The following RAF1 variants were observed in gnomAD, a reference collection of about 807,000 sequenced individuals.
RAF1 encodes RAF proto-oncogene serine/threonine-protein kinase.
Under a neutral mutation model 81.1 loss-of-function variants are expected in RAF1, and 27 were observed. The ratio of observed to expected loss-of-function variants is 0.33; its 90% CI spans 0.25 to 0.46. RAF1 has a LOEUF of 0.46. Among genes scored for constraint, RAF1 ranks in the 20% least tolerant of loss-of-function variants. The probability of loss-of-function intolerance (pLI) is 1.00; values close to 1 mark genes in which losing one functional copy is unlikely to be tolerated. For missense variants in RAF1, 598 were observed against 826.0 expected (o/e 0.72, Z 3.38); for synonymous variants, 298 against 294.0 (o/e 1.01, Z -0.14).
intron 6 of RAF1, among the ~76,000 whole-genome samples, chr3:12,605,787 A>G (rs906065175): frequency 6.6e-6 from 1 of 152,224 alleles, no homozygotes; most frequent in Non-Finnish European, 1.5e-5. Flanking sequence ...AGTCTATTTA[A>G]ATACATGGTT....
intron 1 of RAF1, among the ~76,000 whole-genome samples, chr3:12,658,356 A>T (rs2060766419): frequency 6.6e-6 from 1 of 152,220 alleles, no homozygotes; most frequent in Non-Finnish European, 1.5e-5. Context: ...TAATCCCAGC[A>T]CTTTGGGAGG....
Position 12,590,798 on chromosome 3 carries a change from T to C in RAF1, c.1430A>G (p.Asp477Gly). 6.2e-7 allele frequency: 1 copy of C among 1,612,116 alleles called. No homozygotes were observed. The highest frequency in any genetic ancestry group is 8.5e-7 in the Non-Finnish European group (1 of 1,178,936). The change falls in exon 13 of 18, where the codon GAC (aspartate) becomes GGC (glycine). Residue 477 changes from aspartate (D) to glycine (G), a missense_variant and splice_region_variant. Asp to Gly is a moderately conservative substitution (Grantham distance 94, BLOSUM62 -1). Coordinates refer to ENST00000442415, the MANE Select transcript of RAF1 (RefSeq NM_001354689.3). ...GAGAGGCATCAGACCATCTACTCAC[T>C]CCATTCCCTGAGCCGTCTGCCGGGC... is the stretch of plus-strand genomic sequence containing the variant.
intron 12 of RAF1, 125 bp downstream of exon 11, chr3:12,591,583 G>A: frequency 1.2e-6 from 1 of 802,038 alleles, no homozygotes; most frequent in East Asian, 2.6e-5. Context: ...TCCAACCACA[G>A]AAACTCCACA....
At chr3:12,651,305 T>A (rs2060517634) in intron 1 of RAF1, among the ~76,000 whole-genome samples, 1 of 152,218 alleles carries the variant, frequency 6.6e-6, no homozygotes, top group African/African-American at 2.4e-5. Flanking sequence ...ATATAGATTT[T>A]TTGCAATAAT....
At chr3:12,628,250 C>A (rs942813387) in intron 1 of RAF1, among the ~76,000 whole-genome samples, 1 of 152,310 alleles carries the variant, frequency 6.6e-6, no homozygotes, top group African/African-American at 2.4e-5. Context: ...CACTTAGGCC[C>A]AGGAGTTTGA....
chr3:12,585,881 G>T, intron 14 of RAF1, 82 bp from the exon 14 acceptor site: 1 of 959,704 alleles, frequency 1.0e-6, no homozygotes, highest in Non-Finnish European at 1.7e-6. Flanking sequence ...TTATAACACG[G>T]TAATCTCTCC....
At chr3:12,622,160 T>TC (rs2059575357) in intron 1 of RAF1, among the ~76,000 whole-genome samples, 1 of 152,084 alleles carries the variant, frequency 6.6e-6, no homozygotes, top group South Asian at 2.1e-4. Context: ...TACATACAGC[T>TC]CCTCTTTTTT....
chr3:12,656,596 T>C (rs2060701364), intron 1 of RAF1, among the ~76,000 whole-genome samples: 1 of 152,210 alleles, frequency 6.6e-6, no homozygotes, highest in Non-Finnish European at 1.5e-5. Context: ...GACAAGGTTT[T>C]GAGAACTGGA....
intron 1 of RAF1, among the ~76,000 whole-genome samples, chr3:12,655,329 G>A (rs1475671535): frequency 1.3e-5 from 2 of 151,978 alleles, no homozygotes; most frequent in Non-Finnish European, 2.9e-5. Context: ...CAGGTGATCC[G>A]CCCGCCTCGG....
At chr3:12,595,689 C>T (rs1374055507) in intron 11 of RAF1, among the ~76,000 whole-genome samples, 2 of 152,008 alleles carry the variant, frequency 1.3e-5, no homozygotes, top group Non-Finnish European at 2.9e-5. Context: ...TCTGCACCAC[C>T]CACCCTCGCC....
At chr3:12,607,726 G>A (rs2059080052) in intron 5 of RAF1, among the ~76,000 whole-genome samples, 1 of 151,852 alleles carries the variant, frequency 6.6e-6, no homozygotes, top group Non-Finnish European at 1.5e-5. Flanking sequence ...GCCGAGGTGG[G>A]CAGATCATGA....
intron 1 of RAF1, among the ~76,000 whole-genome samples, chr3:12,646,087 T>C (rs893167143): frequency 6.6e-6 from 1 of 152,200 alleles, no homozygotes; most frequent in African/African-American, 2.4e-5. Context: ...TTTTATAACT[T>C]ATCCTTTCTT....
At chr3:12,586,927 C>T (rs1169217300) in intron 14 of RAF1, 1 of 152,476 alleles carries the variant, frequency 6.6e-6, no homozygotes, top group Non-Finnish European at 1.5e-5. Flanking sequence ...CCTCTGCCTC[C>T]CAGGTTCAAG....
intron 11 of RAF1, among the ~76,000 whole-genome samples, chr3:12,598,673 CTG>C (rs2058755331): frequency 7.6e-6 from 1 of 131,324 alleles, no homozygotes; most frequent in African/African-American, 2.9e-5. Flanking sequence ...CTGCAGTGAG[CTG>C]TGATTGTGCC....
At chr3:12,657,300 G>A (rs12497398) in intron 1 of RAF1, among the ~76,000 whole-genome samples, 2,227 of 152,152 alleles carry the variant, frequency 0.015, 33 homozygotes, top group Admixed American at 0.044. Context: ...TTTTTGTGTC[G>A]TCACAAAATA....
intron 1 of RAF1, among the ~76,000 whole-genome samples, chr3:12,647,474 T>C (rs2060389704): frequency 6.6e-6 from 1 of 151,364 alleles, no homozygotes; most frequent in African/African-American, 2.4e-5. Flanking sequence ...ACATGTGTAG[T>C]CCCAGCTATT....
Position 12,585,702 on chromosome 3 carries a change from A to G in RAF1, c.1575T>C (p.Pro525=), listed in dbSNP as rs140668986. 17 of 1,613,732 alleles carry G rather than the reference A, an allele frequency of 1.1e-5. No homozygotes were observed. The African/African-American group carries it at 2.1e-4, about 20-fold the overall frequency. ...TCACCATCCAGAGGACAGAGCCAGT[A>G]GGTTGTTCAACCTGCTGAGAACCAC... is the stretch of plus-strand genomic sequence containing the variant. The change falls in exon 15 of 18, where the codon CCT becomes CCC. Residue 525 remains proline (P), a synonymous_variant. Transcript: ENST00000442415.
chr3:12,605,368 T>C (rs1243171323), intron 6 of RAF1, among the ~76,000 whole-genome samples: 1 of 151,660 alleles, frequency 6.6e-6, no homozygotes, highest in Non-Finnish European at 1.5e-5. Context: ...GCTCACTGCC[T>C]ACCACGTTCA....
At position 12,604,126 on chromosome 3, in the gene RAF1, G is replaced by T. The variant is rs376815207; in HGVS notation, c.834+10C>A. On this transcript the variant is annotated intron_variant, in intron 7 of 17. Coordinates refer to ENST00000442415, the MANE Select transcript of RAF1 (RefSeq NM_001354689.3). The stretch of plus-strand genomic sequence containing the variant: ...TGACTGACATTACCACCCCCAAGGT[G>T]CCCTATTACCTCAATCATCCTGCTG... 1 of 1,613,934 alleles carries T rather than the reference G, an allele frequency of 6.2e-7. No homozygotes were observed. The highest frequency in any genetic ancestry group is 8.5e-7 in the Non-Finnish European group (1 of 1,179,982).
Sources: gnomAD v4.1 joint callset for allele counts (sites outside exome capture counted in the v4.1 genomes callset) on GRCh38, gnomAD v4.1.1 for gene constraint, MANE v1.5 for transcripts, NCBI Gene and HGNC (gene_info 2026-07-23, HGNC 2026-07-21) for gene names.